POTEB3: variants seen among roughly 807,000 people sequenced by gnomAD.
POTEB3 encodes the protein POTE ankyrin domain family member B3.
In POTEB3, 5 loss-of-function variants were observed where a neutral mutation model predicts 39.8. The ratio of observed to expected loss-of-function variants is 0.13; its 90% CI spans 0.07 to 0.26. POTEB3 has a LOEUF of 0.26. POTEB3 is among the 10% of genes least tolerant of loss of function. POTEB3 has a pLI of 1.00. For synonymous variants in POTEB3, 5 were observed against 161.5 expected (o/e 0.03, Z 7.35); for missense variants, 24 against 475.6 (o/e 0.05, Z 8.83).
intron 6 of POTEB3, chr15:21,426,313 C>G (rs1191390415): frequency 2.6e-6 from 1 of 384,494 alleles, no homozygotes; most frequent in Non-Finnish European, 5.0e-6. Flanking sequence ...TCAAAACTTT[C>G]ATTCCTCATC....
At chr15:21,430,974 ATTGGG>A (rs1217686658) in intron 4 of POTEB3, among the ~76,000 whole-genome samples, 15 of 151,590 alleles carry the variant, frequency 9.9e-5, no homozygotes, top group Admixed American at 1.3e-4. Context: ...ATGACAACAT[ATTGGG>A]TGGTAAATCA....
chr15:21,424,755 CA>C (rs1359125779), intron 6 of POTEB3, among the ~76,000 whole-genome samples: 24 of 151,762 alleles, frequency 1.6e-4, no homozygotes, highest in African/African-American at 4.9e-4. Flanking sequence ...TACTAGTGTA[CA>C]ACGTGGAAAC....
At chr15:21,428,104 T>C in intron 5 of POTEB3, among the ~76,000 whole-genome samples, 1 of 128,830 alleles carries the variant, frequency 7.8e-6, no homozygotes, top group African/African-American at 3.1e-5. Flanking sequence ...CAATGTCTTC[T>C]TCTACAAAGT....
chr15:21,428,293 CA>C, intron 5 of POTEB3, among the ~76,000 whole-genome samples: 1 of 145,054 alleles, frequency 6.9e-6, no homozygotes, highest in South Asian at 2.2e-4. Context: ...TTCTAATATG[CA>C]AATGCTGTAG....
chr15:21,423,431 T>A (rs144455584), intron 6 of POTEB3, among the ~76,000 whole-genome samples: 4,178 of 37,830 alleles, frequency 0.11, 13 homozygotes, highest in African/African-American at 0.18. Context: ...CTATGGGAAG[T>A]CTTCCTTGAT....
At chr15:21,422,846 CTA>C (rs1236172766) in intron 6 of POTEB3, among the ~76,000 whole-genome samples, 5 of 151,052 alleles carry the variant, frequency 3.3e-5, no homozygotes, top group Non-Finnish European at 5.9e-5. Flanking sequence ...TGTTCTGCTT[CTA>C]TAAGTTTGCC....
At chr15:21,422,707 C>G (rs1486959673) in intron 6 of POTEB3, among the ~76,000 whole-genome samples, 2 of 150,528 alleles carry the variant, frequency 1.3e-5, no homozygotes, top group Admixed American at 6.6e-5. Flanking sequence ...TCCCCTCCCC[C>G]TCAGCATTTA....
intron 9 of POTEB3, among the ~76,000 whole-genome samples, chr15:21,413,615 A>G (rs1266674065): frequency 6.2e-5 from 2 of 32,496 alleles, no homozygotes; most frequent in Admixed American, 5.2e-4. Context: ...GGCTTAATTG[A>G]TTCACAGTTA....
Position 21,405,805 on chromosome 15 carries a change from A to G in POTEB3, c.*3178T>C, listed in dbSNP as rs1354904971. ...ATTTCTTTTCTTTAAGATGTTGAAT[A>G]TCTTTTCTGGCTTGTACAGTTTCAG... is the stretch of plus-strand genomic sequence containing the variant. On this transcript the variant is annotated 3_prime_UTR_variant, in exon 11 of 11. Transcript: ENST00000611217. 2.4e-5 allele frequency among the ~76,000 whole-genome samples: 2 copies of G among 83,380 alleles called. 1 individual carries two copies. Among genetic ancestry groups the G allele is most frequent in the Non-Finnish European group, 4.3e-5 (2 of 46,836 alleles). 54.7% of individuals were successfully genotyped at this position (83,380 alleles called of 152,430 possible).
intron 6 of POTEB3, among the ~76,000 whole-genome samples, chr15:21,424,830 A>T (rs1262276877): frequency 1.9e-4 from 28 of 149,668 alleles, no homozygotes; most frequent in Non-Finnish European, 2.8e-4. Flanking sequence ...TCACTAAATC[A>T]TATTGACTAT....
At chr15:21,414,389 G>C (rs1417678826) in intron 9 of POTEB3, among the ~76,000 whole-genome samples, 12 of 116,516 alleles carry the variant, frequency 1.0e-4, no homozygotes, top group Admixed American at 2.4e-4. Flanking sequence ...TTAAAATGAA[G>C]TCTACAATTC....
In POTEB3 at chr15:21,430,310, A is replaced by ATAGAT; in HGVS notation, c.1004_1008dup (p.Ser337IlefsTer18). On this transcript the variant is annotated frameshift_variant, in exon 5 of 11. Coordinates refer to ENST00000611217, the MANE Select transcript of POTEB3 (RefSeq NM_207355.5). LOFTEE classifies it high-confidence loss of function. The stretch of plus-strand genomic sequence containing the variant: ...GCATACTCTCTGGCCGTCTGTCCAG[A>ATAGAT]TAGATCTTGAGAAGATACATCAACA... The ATAGAT allele has an allele frequency of 6.6e-7, 1 of 1,517,510 alleles. No homozygotes were observed. Among genetic ancestry groups the ATAGAT allele is most frequent in the Non-Finnish European group, 8.9e-7 (1 of 1,118,888 alleles). The allele number at this position is 1,517,510 out of a possible 1,614,324, so 94.0% of individuals were successfully genotyped here. A position where few individuals can be genotyped will look rare whatever the true frequency, so the allele number is the denominator to read the frequency against.
intron 6 of POTEB3, chr15:21,425,007 C>A (rs1898627206): frequency 6.7e-6 from 1 of 148,156 alleles, no homozygotes; most frequent in Admixed American, 6.7e-5. Flanking sequence ...AAGGCCAACA[C>A]ATTAAAATGA....
rs1220271200 is a variant in POTEB3 at position 21,413,893 on chromosome 15, A to C, written c.1410-2892T>G. Among the ~76,000 whole-genome samples the C allele has an allele frequency of 3.7e-4, 28 of 75,182 alleles. 1 individual carries two copies. Among genetic ancestry groups the C allele is most frequent in the Non-Finnish European group, 6.3e-4 (27 of 43,122 alleles). The allele number at this position is 75,182 out of a possible 152,430, so 49.3% of individuals were successfully genotyped here. A position where few individuals can be genotyped will look rare whatever the true frequency, so the allele number is the denominator to read the frequency against. ...TTGGGTGGAAACACAAAGCGAAACTATTGGGGGGGGGTGTATCCTTACTTT... is the reference window on the plus strand; with the variant it reads ...TTGGGTGGAAACACAAAGCGAAACTCTTGGGGGGGGGTGTATCCTTACTTT... On this transcript the variant is annotated intron_variant, in intron 9 of 10. Transcript: ENST00000611217.
chr15:21,413,897 G>T (rs1238768761), intron 9 of POTEB3, among the ~76,000 whole-genome samples: 2 of 76,276 alleles, frequency 2.6e-5, no homozygotes, highest in South Asian at 3.4e-4. Flanking sequence ...GAAACTATTG[G>T]GGGGGGGTGT....
Position 21,422,777 on chromosome 15 carries a change from C to T in POTEB3, c.1127-587G>A, listed in dbSNP as rs1204904798. 2.6e-5 allele frequency among the ~76,000 whole-genome samples: 4 copies of T among 151,600 alleles called. 1 individual carries two copies. Among genetic ancestry groups the T allele is most frequent in the Admixed American group, 2.6e-4 (4 of 15,226 alleles). On this transcript the variant is annotated intron_variant, in intron 6 of 10. Transcript: ENST00000611217. ...AAATTCTTGTTTTCCCTCAATGCAG[C>T]TGCAAGGTCGCAAGCTATGCAGTGG... is the stretch of plus-strand genomic sequence containing the variant.
At chr15:21,433,813 T>C (rs1433969187) in intron 3 of POTEB3, among the ~76,000 whole-genome samples, 4 of 151,318 alleles carry the variant, frequency 2.6e-5, no homozygotes, top group Admixed American at 2.0e-4. Flanking sequence ...GGATACTAAG[T>C]TGGTTAATTA....
At chr15:21,437,959 T>C (rs1899170931) in intron 1 of POTEB3, among the ~76,000 whole-genome samples, 1 of 48,836 alleles carries the variant, frequency 2.0e-5, no homozygotes, top group Admixed American at 1.5e-4. Flanking sequence ...CTGGCCAGGC[T>C]AGTATCAAAC....
chr15:21,417,725 C>CTGAA (rs1898430564), intron 9 of POTEB3, among the ~76,000 whole-genome samples: 1 of 90,418 alleles, frequency 1.1e-5, no homozygotes, highest in Non-Finnish European at 2.0e-5. Flanking sequence ...CCATAAAATA[C>CTGAA]TGAATTCTAT....
Sources: allele counts gnomAD v4.1 joint callset (sites outside exome capture counted in the v4.1 genomes callset), GRCh38; gene constraint gnomAD v4.1.1; transcripts MANE v1.5; gene names NCBI Gene and HGNC (gene_info 2026-07-23, HGNC 2026-07-21).